CEACAM20: variants seen among roughly 807,000 people sequenced by gnomAD.
The protein encoded by CEACAM20 is cell adhesion molecule CEACAM20.
In CEACAM20, 50 loss-of-function variants were observed where a neutral mutation model predicts 61.2. The observed-to-expected ratio is 0.82, with a 90% CI of 0.65 to 1.03. CEACAM20 has a LOEUF of 1.03. CEACAM20 is among the 50% of genes least tolerant of loss of function. CEACAM20 has a pLI of 0.00. For missense variants in CEACAM20, 683 were observed against 736.4 expected, an observed-to-expected ratio of 0.93 and a Z score of 0.84; for synonymous variants, 282 against 287.7, an observed-to-expected ratio of 0.98 and a Z score of 0.20.
At chr19:44,513,378 C>T in intron 6 of CEACAM20, 89 bp from the exon 7 acceptor site, 1 of 831,636 alleles carries the variant, frequency 1.2e-6, no homozygotes, top group Non-Finnish European at 1.9e-6. Context: ...TTTTTCTCTA[C>T]TGACATTTTG....
intron 11 of CEACAM20, among the ~76,000 whole-genome samples, chr19:44,507,265 A>C (rs1328944502): frequency 6.6e-6 from 1 of 152,228 alleles, no homozygotes; most frequent in African/African-American, 2.4e-5. Context: ...ATAGGAAACA[A>C]ACATGGCTCC....
chr19:44,513,024 C>T (rs1971049334), intron 7 of CEACAM20, 71 bp from the exon 8 acceptor site: 28 of 1,392,396 alleles, frequency 2.0e-5, no homozygotes, highest in Non-Finnish European at 2.8e-5. Context: ...TGCCCATATC[C>T]CATGTCCATT....
Position 44,522,822 on chromosome 19 carries a change from A to G in CEACAM20, c.563T>C (p.Leu188Ser). 1 of 1,613,142 alleles carries G rather than the reference A, an allele frequency of 6.2e-7. No homozygotes were observed. Among genetic ancestry groups the G allele is most frequent in the Non-Finnish European group, 8.5e-7 (1 of 1,179,618 alleles). ...GGGTGGGTGAGACTTTGTTTCCGCTAAGAAGGTCATGCTGGAGCCCTCCAT... is the reference window on the plus strand; with the variant it reads ...GGGTGGGTGAGACTTTGTTTCCGCTGAGAAGGTCATGCTGGAGCCCTCCAT... ...EVMEGSSMTFLAETKSHPPCA... is the reference protein window; with the variant it reads ...EVMEGSSMTFSAETKSHPPCA... The change falls in exon 4 of 12, where the codon TTA (leucine) becomes TCA (serine). Residue 188 changes from leucine to serine, a missense_variant. Transcript: ENST00000614924.
chr19:44,521,958 A>G (rs1190833410), intron 4 of CEACAM20, among the ~76,000 whole-genome samples: 2 of 152,118 alleles, frequency 1.3e-5, no homozygotes, highest in African/African-American at 2.4e-5. Context: ...CAACCCCTAG[A>G]GAGCCACCAG....
In CEACAM20 at chr19:44,524,069, C is replaced by A; in HGVS notation, c.389G>T (p.Arg130Leu). Residue 130 changes from arginine (R) to leucine (L), a missense_variant, in exon 3 of 12, where the codon CGG (arginine) becomes CTG (leucine). Transcript: ENST00000614924. ...ACATTGGTAAGTCCCTGAGTCCTCC[C>A]GCTGGACAATGAGAATGGTGAGGAT... The part of the protein sequence containing the change: ...GKILTILIVQ[R>L]EDSGTYQCEA... 1 of 1,578,500 alleles carries A rather than the reference C, an allele frequency of 6.3e-7. No individual in the cohort carries two copies. Among genetic ancestry groups the A allele is most frequent in the East Asian group, 2.3e-5 (1 of 43,750 alleles).
chr19:44,524,305 G>A (rs1291208150), intron 2 of CEACAM20, 44 bp from the exon 3 acceptor site: 1 of 1,574,870 alleles, frequency 6.3e-7, no homozygotes, highest in South Asian at 1.2e-5. Flanking sequence ...ACAGGTAGAG[G>A]AAGAACAAAC....
At position 44,512,355 on chromosome 19, in the gene CEACAM20, G is replaced by A. The variant is rs1210603052; in HGVS notation, c.1514-277C>T. 3.3e-5 allele frequency among the ~76,000 whole-genome samples: 5 copies of A among 152,118 alleles called. No homozygotes were observed. In the East Asian group the frequency reaches 9.6e-4, roughly 29 times the overall value. On this transcript the variant is annotated intron_variant, in intron 8 of 11. Coordinates refer to ENST00000614924, the MANE Select transcript of CEACAM20 (RefSeq NM_001102597.3). The stretch of plus-strand genomic sequence containing the variant: ...CTGGATTTAGCCCTTTATCCCTAAT[G>A]GCCTTGGTTTTCGTCTCTATAAAAT...
At position 44,520,498 on chromosome 19, in the gene CEACAM20, C is replaced by G. The variant is rs1971321554; in HGVS notation, c.1006G>C (p.Glu336Gln). Residue 336 changes from glutamate to glutamine, a missense_variant, in exon 5 of 12, where the codon GAG becomes CAG. Transcript: ENST00000614924. ...VWNWGSRARS[E>Q]PLELTINYGP... Reference sequence around the variant, plus strand: ...CAGTTGATGGTCAGCTCAAGGGGCTCACTCCGGGCCCGGCTGCCCCAGTTC... The same window carrying G: ...CAGTTGATGGTCAGCTCAAGGGGCTGACTCCGGGCCCGGCTGCCCCAGTTC... The G allele has an allele frequency of 4.3e-6, 7 of 1,613,198 alleles. No homozygotes were observed. The Admixed American group carries it at 8.3e-5, about 19-fold the overall frequency.
intron 3 of CEACAM20, among the ~76,000 whole-genome samples, chr19:44,523,658 C>T (rs904574668): frequency 6.6e-6 from 1 of 151,792 alleles, no homozygotes; most frequent in Non-Finnish European, 1.5e-5. Context: ...TCCAAGCAAT[C>T]CTCTTGCCTC....
intron 1 of CEACAM20, among the ~76,000 whole-genome samples, chr19:44,526,537 TC>T (rs1327296357): frequency 6.7e-6 from 1 of 148,160 alleles, no homozygotes; most frequent in Non-Finnish European, 1.5e-5. Context: ...AAAAATGAGT[TC>T]CCAGTTTTCC....
At chr19:44,521,193 T>A (rs1385042141) in intron 4 of CEACAM20, among the ~76,000 whole-genome samples, 1 of 152,124 alleles carries the variant, frequency 6.6e-6, no homozygotes, top group Non-Finnish European at 1.5e-5. Flanking sequence ...ATATGCTGTA[T>A]GTGCTGCATG....
chr19:44,515,530 T>C (rs1183361174), intron 6 of CEACAM20, among the ~76,000 whole-genome samples: 2 of 152,158 alleles, frequency 1.3e-5, no homozygotes, highest in Non-Finnish European at 2.9e-5. Context: ...TTTGAGTCTA[T>C]AGGTCTCAGT....
rs551821034 is a variant in CEACAM20, at chr19:44,529,555, G to A, written c.-46C>T. The stretch of plus-strand genomic sequence containing the variant: ...AGTGTGCCAGGCCGTCTGTCGCCCC[G>A]GCTTGCACACACAGATACAGTCCTC... On this transcript the variant is annotated 5_prime_UTR_variant, in exon 1 of 12. Coordinates refer to ENST00000614924, the MANE Select transcript of CEACAM20 (RefSeq NM_001102597.3). The A allele has an allele frequency of 1.6e-5, 25 of 1,582,596 alleles. No individual in the cohort carries two copies. Among genetic ancestry groups the A allele is most frequent in the Admixed American group, 3.3e-5 (2 of 59,728 alleles).
chr19:44,528,156 TC>T (rs1971586569), intron 1 of CEACAM20, among the ~76,000 whole-genome samples: 23 of 114,580 alleles, frequency 2.0e-4, no homozygotes, highest in East Asian at 7.1e-4. Flanking sequence ...TTTCTTTCTT[TC>T]TTTTCTTTCT....
At chr19:44,506,298 C>G in intron 11 of CEACAM20, 84 bp from the exon 12 acceptor site, 1 of 1,197,180 alleles carries the variant, frequency 8.4e-7, no homozygotes, top group South Asian at 1.3e-5. Context: ...CCCAAACAGC[C>G]TGGAGCTTTC....
rs779118825 is a variant in CEACAM20, at chr19:44,520,721, T to G, written c.783A>C (p.Ser261=). The change falls in exon 5 of 12, where the codon TCA becomes TCC. Residue 261 remains serine, a synonymous_variant. Transcript: ENST00000614924. ...TAGCATTCTCCACAAGGTTCAGGCT[T>G]GAAGGCACGACTTGAGGCATGGTCA... is the stretch of plus-strand genomic sequence containing the variant. The part of the protein sequence containing the change: ...ETLTMPQVVP[S]SLNLVENARS... 1 of 1,613,774 alleles carries G rather than the reference T, an allele frequency of 6.2e-7. No individual in the cohort carries two copies. The highest frequency in any genetic ancestry group is 8.5e-7 in the Non-Finnish European group (1 of 1,179,774).
chr19:44,512,201 A>C lies in CEACAM20; in HGVS notation c.1514-123T>G. ...GAAATCCTTCCCAGGACTCCCTGTCATATTTCCAGTGAGCTTGACCAGGAA... is the reference window on the plus strand; with the variant it reads ...GAAATCCTTCCCAGGACTCCCTGTCCTATTTCCAGTGAGCTTGACCAGGAA... On this transcript the variant is annotated intron_variant, in intron 8 of 11. Coordinates refer to ENST00000614924, the MANE Select transcript of CEACAM20 (RefSeq NM_001102597.3). 2.7e-6 allele frequency: 2 copies of C among 736,272 alleles called. 1 individual carries two copies. The highest frequency in any genetic ancestry group is 3.2e-5 in the South Asian group (2 of 61,900). The allele number at this position is 736,272 out of a possible 1,614,324, so 45.6% of individuals were successfully genotyped here.
chr19:44,516,720 G>A (rs988367600), intron 6 of CEACAM20, among the ~76,000 whole-genome samples: 1 of 152,190 alleles, frequency 6.6e-6, no homozygotes, highest in African/African-American at 2.4e-5. Context: ...ACAAACTGAA[G>A]CTCAGAACAG....
chr19:44,513,638 A>G (rs1971076094), intron 6 of CEACAM20, among the ~76,000 whole-genome samples: 1 of 151,450 alleles, frequency 6.6e-6, no homozygotes, highest in Non-Finnish European at 1.5e-5. Flanking sequence ...GGGGTGTTTC[A>G]CCATGTTGGC....
Sources: allele counts gnomAD v4.1 joint callset (sites outside exome capture counted in the v4.1 genomes callset), GRCh38; gene constraint gnomAD v4.1.1; transcripts MANE v1.5; gene names NCBI Gene and HGNC (gene_info 2026-07-23, HGNC 2026-07-21).